The following BEAN1 variants were observed in gnomAD, a reference collection of about 807,000 sequenced individuals.
BEAN1 encodes the protein brain expressed associated with NEDD4 1, also known as protein BEAN1.
BEAN1 carries 17 observed loss-of-function variants against 17.7 expected under a neutral mutation model. The ratio of observed to expected loss-of-function variants is 0.96; its 90% confidence interval spans 0.66 to 1.44. The LOEUF (loss-of-function observed/expected upper bound fraction) is 1.44, where lower values mean the gene tolerates loss of function less well. Among genes scored for constraint, BEAN1 ranks in the 40% most tolerant of loss-of-function variants. BEAN1 has a pLI of 0.00. For missense variants in BEAN1, 359 were observed against 374.1 expected (o/e 0.96, Z 0.33); for synonymous variants, 142 against 151.8 (o/e 0.94, Z 0.47).
chr16:66,438,103 G>A, intron 2 of BEAN1: 1 of 261,600 alleles, frequency 3.8e-6, no homozygotes, highest in Non-Finnish European at 7.5e-6. Flanking sequence ...GGTGATGTGT[G>A]GCCGGCGTGG....
At chr16:66,493,131 T>C in exon 5 of BEAN1, 1 of 702,960 alleles carries the variant, frequency 1.4e-6, no homozygotes, top group Non-Finnish European at 2.6e-6. Context: ...ATCTTCCTGG[T>C]GAGGGTCTCA....
chr16:66,437,785 G>A (rs1360726087), intron 2 of BEAN1, 84 bp downstream of exon 2: 5 of 1,464,598 alleles, frequency 3.4e-6, no homozygotes, highest in Non-Finnish European at 4.6e-6. Context: ...ACGGCTTGAG[G>A]TGTTTGGCCA....
At chr16:66,474,738 G>A (rs555632567) in intron 3 of BEAN1, among the ~76,000 whole-genome samples, 7 of 151,362 alleles carry the variant, frequency 4.6e-5, no homozygotes, top group Admixed American at 2.6e-4. Context: ...GAAAAAGAAA[G>A]GAAAGAGAAA....
chr16:66,456,416 T>G (rs1164990533), intron 2 of BEAN1, among the ~76,000 whole-genome samples: 1 of 152,222 alleles, frequency 6.6e-6, no homozygotes, highest in Non-Finnish European at 1.5e-5. Context: ...CAGAATCTGC[T>G]TCTCAACCCA....
intron 4 of BEAN1, among the ~76,000 whole-genome samples, chr16:66,488,570 G>T (rs1359284349): frequency 6.6e-6 from 1 of 151,046 alleles, no homozygotes; most frequent in African/African-American, 2.4e-5. Context: ...GCTATGGGGT[G>T]TGCCTGTAGT....
chr16:66,473,021 C>T lies in BEAN1; in HGVS notation c.289+3156C>T, dbSNP rs1369589631. Among the ~76,000 whole-genome samples the T allele has an allele frequency of 6.6e-6, 1 of 151,988 alleles. No individual in the cohort carries two copies. The highest frequency in any genetic ancestry group is 2.4e-5 in the African/African-American group (1 of 41,374). ...GTGACAGCAGAGAGAGACCCTGTCT[C>T]TAAAAAAATAAAAAAATTAAGACTG... is the stretch of plus-strand genomic sequence containing the variant. On this transcript the variant is annotated intron_variant, in intron 3 of 4. Coordinates refer to ENST00000536005, the MANE Select transcript of BEAN1 (RefSeq NM_001178020.3). The surrounding 1 kb of genome is among the most constrained non-coding windows in gnomAD (Gnocchi z 4.5).
chr16:66,454,243 T>C (rs1346746179), intron 2 of BEAN1, among the ~76,000 whole-genome samples: 1 of 152,222 alleles, frequency 6.6e-6, no homozygotes, highest in Non-Finnish European at 1.5e-5. Context: ...CTTCTATGAA[T>C]GTCACACTGG....
Position 66,437,583 on chromosome 16 carries a change from G to A in BEAN1, c.-82-12G>A. ...TGGGCCCCCCAACACCTGCCTGTTT[G>A]TGTCTCCGCAGGTGAGTGGAGGGGC... On this transcript the variant is annotated splice_polypyrimidine_tract_variant and intron_variant, in intron 1 of 4. Transcript: ENST00000536005. The A allele has an allele frequency of 2.1e-6, 3 of 1,406,720 alleles. No individual in the cohort carries two copies. Among genetic ancestry groups the A allele is most frequent in the South Asian group, 2.6e-5 (2 of 76,660 alleles). The allele number at this position is 1,406,720 out of a possible 1,614,324, so 87.1% of individuals were successfully genotyped here.
At position 66,450,210 on chromosome 16, in the gene BEAN1, G is replaced by A. The variant is rs184362351; in HGVS notation, c.25+12509G>A. 1.5e-3 allele frequency among the ~76,000 whole-genome samples: 226 copies of A among 152,304 alleles called. 1 individual carries two copies. Among genetic ancestry groups the A allele is most frequent in the African/African-American group, 5.1e-3 (211 of 41,566 alleles). On this transcript the variant is annotated intron_variant, in intron 2 of 4. Coordinates refer to ENST00000536005, the MANE Select transcript of BEAN1 (RefSeq NM_001178020.3). Reference sequence around the variant, plus strand: ...AAGAATGAAAGCCCCAGCTCTACACGATTGTCTTATTACGAGAGCCGTGGG... The same window carrying A: ...AAGAATGAAAGCCCCAGCTCTACACAATTGTCTTATTACGAGAGCCGTGGG...
At chr16:66,489,261 G>A (rs1036686038) in intron 4 of BEAN1, among the ~76,000 whole-genome samples, 7 of 152,016 alleles carry the variant, frequency 4.6e-5, no homozygotes, top group African/African-American at 1.7e-4. Flanking sequence ...GCATCAATAG[G>A]AAACGAATAC....
chr16:66,453,655 C>T (rs1178006603), intron 2 of BEAN1, among the ~76,000 whole-genome samples: 3 of 152,104 alleles, frequency 2.0e-5, no homozygotes, highest in Non-Finnish European at 4.4e-5. Context: ...AGCCACAGTG[C>T]CTAGCCTAAA....
intron 2 of BEAN1, among the ~76,000 whole-genome samples, chr16:66,445,515 A>G (rs1339531506): frequency 7.5e-6 from 1 of 132,588 alleles, no homozygotes; most frequent in Non-Finnish European, 1.6e-5. Context: ...AAAAAAAAAA[A>G]GCAGAGTGAG....
At chr16:66,430,759 G>A (rs894879251) in intron 1 of BEAN1, among the ~76,000 whole-genome samples, 1 of 152,036 alleles carries the variant, frequency 6.6e-6, no homozygotes, top group Non-Finnish European at 1.5e-5. Flanking sequence ...TTATTCATTT[G>A]TCTATTGTAT....
downstream of BEAN1, among the ~76,000 whole-genome samples, chr16:66,495,113 A>AG (rs953300921): frequency 5.9e-5 from 9 of 152,230 alleles, no homozygotes; most frequent in South Asian, 2.1e-4. Context: ...CTTAAGACCA[A>AG]GGGGGGGCCT....
At chr16:66,443,847 C>T (rs6416690) in intron 2 of BEAN1, among the ~76,000 whole-genome samples, 74,963 of 151,762 alleles carry the variant, frequency 0.49, 19,338 homozygotes, top group African/African-American at 0.6. Context: ...GCTAATTTTT[C>T]GTATTTTTAG....
chr16:66,480,673 C>A lies in BEAN1; in HGVS notation c.528C>A (p.Pro176=). ...CCTACTCGCTGACTGATTCCTGCCC[C>A]ACGCTGGATGGCACCTCCGACTCAG... is the stretch of plus-strand genomic sequence containing the variant. ...PPPYSLTDSC[P]TLDGTSDSGS... is the part of the protein sequence containing the mutation. The change falls in exon 5 of 5, where the codon CCC becomes CCA. Residue 176 remains proline (P), a synonymous_variant. Transcript: ENST00000536005. The A allele has an allele frequency of 6.4e-7, 1 of 1,551,690 alleles. No homozygotes were observed. The highest frequency in any genetic ancestry group is 8.7e-7 in the Non-Finnish European group (1 of 1,146,966).
chr16:66,443,651 C>T (rs1293880711), intron 2 of BEAN1, among the ~76,000 whole-genome samples: 1 of 152,104 alleles, frequency 6.6e-6, no homozygotes, highest in Non-Finnish European at 1.5e-5. Flanking sequence ...TTTGATAGCT[C>T]ATCTTAATTT....
At chr16:66,467,515 C>T (rs1032657981) in intron 2 of BEAN1, among the ~76,000 whole-genome samples, 2 of 152,056 alleles carry the variant, frequency 1.3e-5, no homozygotes, top group African/African-American at 4.8e-5. Flanking sequence ...AGAAACTGCC[C>T]CCAAGATTCA....
chr16:66,472,115 A>G (rs1358559851), intron 3 of BEAN1, among the ~76,000 whole-genome samples: 1 of 152,188 alleles, frequency 6.6e-6, no homozygotes, highest in African/African-American at 2.4e-5. Context: ...CGAACCGAAA[A>G]AAAGCCTTCC....
Sources: gnomAD v4.1 joint callset for allele counts (sites outside exome capture counted in the v4.1 genomes callset) on GRCh38, gnomAD v4.1.1 for gene constraint, Gnocchi (gnomAD v3.1) non-coding constraint, MANE v1.5 for transcripts, NCBI Gene and HGNC (gene_info 2026-07-23, HGNC 2026-07-21) for gene names.